KIAA1549L: variants seen among roughly 807,000 people sequenced by gnomAD.
KIAA1549L encodes KIAA1549 like.
A neutral mutation model predicts 160.7 loss-of-function variants in KIAA1549L; 88 were observed. The ratio of observed to expected loss-of-function variants is 0.55; its 90% confidence interval spans 0.46 to 0.65. KIAA1549L has a LOEUF of 0.65. Ranked by LOEUF, KIAA1549L falls within the 30% of genes least tolerant of loss-of-function variation. The probability of loss-of-function intolerance (pLI) is 0.00; values close to 1 mark genes in which losing one functional copy is unlikely to be tolerated. For missense variants in KIAA1549L, 2,258 were observed against 2,437.5 expected, an observed-to-expected ratio of 0.93 and a Z score of 1.55; for synonymous variants, 950 against 976.7, an observed-to-expected ratio of 0.97 and a Z score of 0.51.
At chr11:33,401,998 G>A (rs764626882) in intron 1 of KIAA1549L, among the ~76,000 whole-genome samples, 1 of 152,216 alleles carries the variant, frequency 6.6e-6, no homozygotes, top group Non-Finnish European at 1.5e-5. Flanking sequence ...AGTTGTTCCC[G>A]TGGGGGAATT....
At chr11:33,567,348 A>G (rs1855083995) in intron 8 of KIAA1549L, among the ~76,000 whole-genome samples, 1 of 152,212 alleles carries the variant, frequency 6.6e-6, no homozygotes, top group Admixed American at 6.5e-5. Context: ...GCCTTTTTAC[A>G]GAGAAGGACT....
At chr11:33,395,306 CACTT>C (rs1302907551) in intron 1 of KIAA1549L, among the ~76,000 whole-genome samples, 1 of 152,190 alleles carries the variant, frequency 6.6e-6, no homozygotes, top group Non-Finnish European at 1.5e-5. Flanking sequence ...TAATAGCTAA[CACTT>C]AATGTTCATA....
intron 16 of KIAA1549L, among the ~76,000 whole-genome samples, chr11:33,642,649 G>C (rs947951361): frequency 6.7e-6 from 1 of 149,984 alleles, no homozygotes; most frequent in Non-Finnish European, 1.5e-5. Context: ...AGTCAGGGTA[G>C]AGTAGGTAAT....
At chr11:33,468,683 G>A (rs1463308181) in intron 1 of KIAA1549L, among the ~76,000 whole-genome samples, 1 of 152,172 alleles carries the variant, frequency 6.6e-6, no homozygotes, top group African/African-American at 2.4e-5. Flanking sequence ...TAAACTTAGT[G>A]AATGTTGATT....
At chr11:33,638,377 C>G (rs752935253) in intron 16 of KIAA1549L, among the ~76,000 whole-genome samples, 12 of 150,946 alleles carry the variant, frequency 7.9e-5, no homozygotes, top group Non-Finnish European at 1.5e-4. Flanking sequence ...TGTCTGACTT[C>G]TTTCACTCAA....
chr11:33,629,398 C>T (rs1394330743), intron 16 of KIAA1549L, among the ~76,000 whole-genome samples: 1 of 152,176 alleles, frequency 6.6e-6, no homozygotes, highest in East Asian at 1.9e-4. Flanking sequence ...AACTTGGTTC[C>T]ATTCTCCCCA....
At chr11:33,600,854 A>G (rs1357459194) in intron 13 of KIAA1549L, among the ~76,000 whole-genome samples, 1 of 152,154 alleles carries the variant, frequency 6.6e-6, no homozygotes, top group Non-Finnish European at 1.5e-5. Flanking sequence ...TTATGAATAC[A>G]CATTTGCAAA....
At chr11:33,501,690 G>T (rs1852951971) in intron 1 of KIAA1549L, among the ~76,000 whole-genome samples, 1 of 152,164 alleles carries the variant, frequency 6.6e-6, no homozygotes, top group South Asian at 2.1e-4. Context: ...TATATGTGGA[G>T]AATAGTGTAG....
At chr11:33,579,217 T>TA (rs1368992512) in intron 10 of KIAA1549L, among the ~76,000 whole-genome samples, 2 of 152,150 alleles carry the variant, frequency 1.3e-5, no homozygotes, top group African/African-American at 4.8e-5. Flanking sequence ...TTAAAAGAGA[T>TA]AATTGTTGCC....
At chr11:33,526,919 G>C (rs1374180807) in intron 1 of KIAA1549L, among the ~76,000 whole-genome samples, 1 of 151,892 alleles carries the variant, frequency 6.6e-6, no homozygotes, top group Non-Finnish European at 1.5e-5. Flanking sequence ...TAGAGGATAT[G>C]GATGAAAAAG....
At chr11:33,581,833 T>C (rs1855654474) in intron 10 of KIAA1549L, among the ~76,000 whole-genome samples, 1 of 152,226 alleles carries the variant, frequency 6.6e-6, no homozygotes, top group African/African-American at 2.4e-5. Flanking sequence ...CAAGATAAAA[T>C]CTGTTCTGTT....
At chr11:33,393,191 C>T (rs527423414) in intron 1 of KIAA1549L, among the ~76,000 whole-genome samples, 81 of 152,306 alleles carry the variant, frequency 5.3e-4, no homozygotes, top group African/African-American at 1.9e-3. Flanking sequence ...GAGCCCTTTG[C>T]GCCCTTTACA....
At chr11:33,575,974 G>T (rs1378114998) in intron 10 of KIAA1549L, among the ~76,000 whole-genome samples, 1 of 152,108 alleles carries the variant, frequency 6.6e-6, no homozygotes, top group Non-Finnish European at 1.5e-5. Flanking sequence ...TTGGTCAGCA[G>T]TGTCTAGGAT....
intron 12 of KIAA1549L, among the ~76,000 whole-genome samples, chr11:33,595,494 G>A (rs750559016): frequency 1.3e-5 from 2 of 152,166 alleles, no homozygotes; most frequent in Non-Finnish European, 2.9e-5. Context: ...CTCCCAAAGT[G>A]CTGGCATTAC....
At chr11:33,593,036 A>G (rs1850103005) in intron 12 of KIAA1549L, among the ~76,000 whole-genome samples, 1 of 152,202 alleles carries the variant, frequency 6.6e-6, no homozygotes, top group African/African-American at 2.4e-5. Flanking sequence ...GTCAGGCTTT[A>G]CAGACCAAAG....
chr11:33,473,731 C>T (rs557904235), intron 1 of KIAA1549L, among the ~76,000 whole-genome samples: 1 of 152,274 alleles, frequency 6.6e-6, no homozygotes, highest in South Asian at 2.1e-4. Context: ...TCATTCTCCC[C>T]TCTTGGCTAA....
chr11:33,629,550 G>A (rs538724498), intron 16 of KIAA1549L, among the ~76,000 whole-genome samples: 61 of 151,140 alleles, frequency 4.0e-4, no homozygotes, highest in South Asian at 2.5e-3. Flanking sequence ...ATCTTCCATC[G>A]CTGATACCCT....
At chr11:33,475,925 G>C (rs1343510043) in intron 1 of KIAA1549L, among the ~76,000 whole-genome samples, 2 of 152,062 alleles carry the variant, frequency 1.3e-5, no homozygotes, top group African/African-American at 2.4e-5. Flanking sequence ...ACTCCCCCCA[G>C]GTTGGGATTC....
At chr11:33,456,964 A>G (rs1286434345) in intron 1 of KIAA1549L, among the ~76,000 whole-genome samples, 1 of 152,206 alleles carries the variant, frequency 6.6e-6, no homozygotes, top group Admixed American at 6.5e-5. Context: ...TCCCTTAGTT[A>G]CTGCAGGGCT....
Sources: gnomAD v4.1 joint callset for allele counts (sites outside exome capture counted in the v4.1 genomes callset) on GRCh38, gnomAD v4.1.1 for gene constraint, MANE v1.5 for transcripts, NCBI Gene and HGNC (gene_info 2026-07-23, HGNC 2026-07-21) for gene names.